C8orf88: variants seen among roughly 807,000 people sequenced by gnomAD.
C8orf88 encodes the protein uncharacterized protein C8orf88.
A neutral mutation model predicts 18.4 loss-of-function variants in C8orf88; 14 were observed. The observed-to-expected ratio is 0.76, with a 90% confidence interval of 0.50 to 1.19. The LOEUF (loss-of-function observed/expected upper bound fraction) is 1.19. Ranked by LOEUF, C8orf88 falls within the 50% of genes most tolerant of loss-of-function variation. The pLI is 0.00. For missense variants in C8orf88, 116 were observed against 134.7 expected, an observed-to-expected ratio of 0.86 and a Z score of 0.69; for synonymous variants, 45 against 42.9, an observed-to-expected ratio of 1.05 and a Z score of -0.19.
intron 4 of C8orf88, among the ~76,000 whole-genome samples, chr8:90,969,455 G>A (rs1811253640): frequency 6.6e-6 from 1 of 151,796 alleles, no homozygotes; most frequent in Non-Finnish European, 1.5e-5. Flanking sequence ...ACATAGTTAT[G>A]AAAATATCAC....
intron 3 of C8orf88, among the ~76,000 whole-genome samples, chr8:90,972,732 C>T (rs2130314491): frequency 6.6e-6 from 1 of 152,046 alleles, no homozygotes; most frequent in South Asian, 2.1e-4. Context: ...GTTTGGTGAC[C>T]AAGCCAAAAG....
chr8:90,958,881 G>A lies in C8orf88; in HGVS notation c.*126C>T. The A allele has an allele frequency of 1.7e-6, 1 of 592,812 alleles. No homozygotes were observed. The highest frequency in any genetic ancestry group is 3.4e-5 in the East Asian group (1 of 29,076). The allele number at this position is 592,812 out of a possible 1,614,324, so 36.7% of individuals were successfully genotyped here. On this transcript the variant is annotated 3_prime_UTR_variant, in exon 6 of 6. Coordinates refer to ENST00000517562, the MANE Select transcript of C8orf88 (RefSeq NM_001190972.2). ...TTAAAATAGCTCTTTCTCATTTTTA[G>A]AGAAGTCAAATAGCCAACCATCAAA...
At chr8:90,962,925 C>T (rs1471409660) in intron 4 of C8orf88, among the ~76,000 whole-genome samples, 1 of 151,496 alleles carries the variant, frequency 6.6e-6, no homozygotes, top group Non-Finnish European at 1.5e-5. Flanking sequence ...AAACAGGATG[C>T]TTTGAGGTAG....
At chr8:90,971,957 C>A (rs1281327974) in intron 3 of C8orf88, among the ~76,000 whole-genome samples, 1 of 152,020 alleles carries the variant, frequency 6.6e-6, no homozygotes, top group Non-Finnish European at 1.5e-5. Context: ...ATTTTATAAA[C>A]CAGTTTTACA....
chr8:90,976,258 T>A (rs924748294), intron 3 of C8orf88, among the ~76,000 whole-genome samples: 12 of 152,106 alleles, frequency 7.9e-5, no homozygotes, highest in Non-Finnish European at 1.8e-4. Context: ...ACAAATGAGT[T>A]CACCTTACTA....
At chr8:90,968,567 T>C (rs1332533363) in intron 4 of C8orf88, among the ~76,000 whole-genome samples, 4 of 147,452 alleles carry the variant, frequency 2.7e-5, no homozygotes, top group Non-Finnish European at 4.5e-5. Flanking sequence ...AAAGGAAAAA[T>C]AGTTAAAATT....
intron 1 of C8orf88, among the ~76,000 whole-genome samples, chr8:90,980,863 A>T (rs1563556130): frequency 6.6e-6 from 1 of 151,686 alleles, no homozygotes; most frequent in Non-Finnish European, 1.5e-5. Flanking sequence ...CAGCTAATAT[A>T]TTTTTTTTAA....
chr8:90,978,423 C>A (rs1811384218), intron 3 of C8orf88, among the ~76,000 whole-genome samples, 156 bp downstream of exon 3: 1 of 152,220 alleles, frequency 6.6e-6, no homozygotes, highest in South Asian at 2.1e-4. Flanking sequence ...CTTAAAAATG[C>A]TGGGTGACAG....
chr8:90,963,065 A>C (rs1811150371), intron 4 of C8orf88, among the ~76,000 whole-genome samples: 2 of 151,654 alleles, frequency 1.3e-5, no homozygotes, highest in Admixed American at 1.3e-4. Context: ...GATTCCTACC[A>C]AGCAGGAAAT....
chr8:90,960,011 A>T (rs1180195160), intron 5 of C8orf88, among the ~76,000 whole-genome samples: 2 of 151,308 alleles, frequency 1.3e-5, no homozygotes, highest in Non-Finnish European at 3.0e-5. Flanking sequence ...AGCAATTGCA[A>T]AACTTATCAT....
intron 4 of C8orf88, among the ~76,000 whole-genome samples, chr8:90,968,020 G>A (rs181614907): frequency 2.0e-5 from 3 of 151,776 alleles, no homozygotes; most frequent in Admixed American, 1.3e-4. Context: ...TAAATTCAAC[G>A]CTATCCCTAT....
chr8:90,959,496 T>C lies in C8orf88; in HGVS notation c.331-466A>G, dbSNP rs1244081183. 4 of 151,456 alleles carry C rather than the reference T, an allele frequency of 2.6e-5. No individual in the cohort carries two copies. In the Admixed American group the frequency reaches 2.6e-4, roughly 10 times the overall value. The allele number at this position is 151,456 out of a possible 1,614,324, so 9.4% of individuals were successfully genotyped here. A position where few individuals can be genotyped will look rare whatever the true frequency, so the allele number is the denominator to read the frequency against. On this transcript the variant is annotated intron_variant, in intron 5 of 5. Coordinates refer to ENST00000517562, the MANE Select transcript of C8orf88 (RefSeq NM_001190972.2). ...CATATCCCAAAGATCTTTGAACCGGTGGGAAAGTTGAAACATCAAGTACAT... is the reference window on the plus strand; with the variant it reads ...CATATCCCAAAGATCTTTGAACCGGCGGGAAAGTTGAAACATCAAGTACAT...
At chr8:90,965,109 T>C (rs976971242) in intron 4 of C8orf88, among the ~76,000 whole-genome samples, 4 of 151,636 alleles carry the variant, frequency 2.6e-5, no homozygotes, top group Non-Finnish European at 5.9e-5. Context: ...TTAAAAATCA[T>C]CTAATTATAT....
intron 4 of C8orf88, among the ~76,000 whole-genome samples, chr8:90,965,956 A>G (rs1811188733): frequency 6.6e-6 from 1 of 151,832 alleles, no homozygotes; most frequent in Non-Finnish European, 1.5e-5. Flanking sequence ...AACATTACAC[A>G]TTAAGGAACT....
chr8:90,966,247 G>A (rs553049722), intron 4 of C8orf88, among the ~76,000 whole-genome samples: 11 of 149,766 alleles, frequency 7.3e-5, no homozygotes, highest in African/African-American at 1.7e-4. Flanking sequence ...GTAAACTATC[G>A]CAAGAATAAA....
intron 4 of C8orf88, 33 bp from the exon 5 acceptor site, chr8:90,960,881 GAA>G (rs1332200849): frequency 8.1e-7 from 1 of 1,235,572 alleles, no homozygotes; most frequent in South Asian, 1.3e-5. Flanking sequence ...ATAATGTTAG[GAA>G]ATGTAGGGCT....
chr8:90,980,038 GT>G (rs1221267246), intron 2 of C8orf88, among the ~76,000 whole-genome samples: 1 of 152,096 alleles, frequency 6.6e-6, no homozygotes, highest in Non-Finnish European at 1.5e-5. Context: ...TTGCCCTGCA[GT>G]TATCATAATC....
At chr8:90,963,665 C>T (rs1428293798) in intron 4 of C8orf88, among the ~76,000 whole-genome samples, 1 of 151,402 alleles carries the variant, frequency 6.6e-6, no homozygotes, top group Non-Finnish European at 1.5e-5. Flanking sequence ...AGTACAATAA[C>T]GGAAATGACA....
chr8:90,973,957 C>G (rs557198971), intron 3 of C8orf88, among the ~76,000 whole-genome samples: 1 of 151,622 alleles, frequency 6.6e-6, no homozygotes, highest in African/African-American at 2.4e-5. Flanking sequence ...AAAAGGTAAA[C>G]AGGAAAAAAA....
Sources: gnomAD v4.1 joint callset for allele counts (sites outside exome capture counted in the v4.1 genomes callset) on GRCh38, gnomAD v4.1.1 for gene constraint, MANE v1.5 for transcripts, NCBI Gene and HGNC (gene_info 2026-07-23, HGNC 2026-07-21) for gene names.